The following ZNF516 variants were observed in gnomAD, a reference collection of about 807,000 sequenced individuals.
The protein encoded by ZNF516 is zinc finger protein 516.
ZNF516 carries 19 observed loss-of-function variants against 79.7 expected under a neutral mutation model. The observed-to-expected ratio is 0.24, with a 90% CI of 0.17 to 0.35. The LOEUF is 0.35. Ranked by LOEUF, ZNF516 falls within the 10% of genes least tolerant of loss-of-function variation. The pLI, the probability that ZNF516 is intolerant of heterozygous loss-of-function variation, is 1.00. For missense variants in ZNF516, 1,678 were observed against 1,679.5 expected (o/e 1.00, Z 0.02); for synonymous variants, 877 against 739.5 (o/e 1.19, Z -3.02).
chr18:76,482,178 G>A (rs1914561999), intron 1 of ZNF516, among the ~76,000 whole-genome samples: 1 of 152,134 alleles, frequency 6.6e-6, no homozygotes, highest in Admixed American at 6.5e-5. Context: ...CAACGGCCAT[G>A]TTTTGCTTTT....
At chr18:76,418,872 A>G (rs1297449264) in intron 3 of ZNF516, among the ~76,000 whole-genome samples, 1 of 152,274 alleles carries the variant, frequency 6.6e-6, no homozygotes, top group Non-Finnish European at 1.5e-5. Flanking sequence ...GACCTAGGAT[A>G]AGCAAAGGAA....
intron 3 of ZNF516, among the ~76,000 whole-genome samples, chr18:76,434,024 A>G (rs1015527943): frequency 1.3e-5 from 2 of 151,274 alleles, no homozygotes; most frequent in Admixed American, 1.3e-4. Flanking sequence ...TACCCAACCC[A>G]GCACCTGCTG....
chr18:76,406,842 A>G (rs2075310521), intron 3 of ZNF516, among the ~76,000 whole-genome samples: 1 of 152,172 alleles, frequency 6.6e-6, no homozygotes, highest in Admixed American at 6.5e-5. Context: ...TCCTTCTCAG[A>G]GACAGACCCA....
At chr18:76,423,838 T>TGAAAAGGTTACCCCATGAAACACAC (rs1568279145) in intron 3 of ZNF516, among the ~76,000 whole-genome samples, 2 of 89,972 alleles carry the variant, frequency 2.2e-5, no homozygotes, top group East Asian at 7.1e-4. Flanking sequence ...ATGAAACACA[T>TGAAAAGGTTACCCCATGAAACACAC]GCAGGTGAAA....
Position 76,379,578 on chromosome 18 carries a change from C to T in ZNF516, c.2536G>A (p.Gly846Arg), listed in dbSNP as rs61733594. Reference protein sequence around the residue: ...TRTQVPGGMPGSKSGSSPLGV... With the variant: ...TRTQVPGGMPRSKSGSSPLGV... Reference sequence around the variant, plus strand: ...AGGGGAGAAGAGCCACTTTTGGACCCCGGCATCCCCCCTGGCACCTGAGTG... The same window carrying T: ...AGGGGAGAAGAGCCACTTTTGGACCTCGGCATCCCCCCTGGCACCTGAGTG... Residue 846 changes from glycine (G) to arginine (R), a missense_variant, in exon 4 of 7, where the codon GGG becomes AGG. Around this residue, in one of 5 missense-constraint regions of ZNF516, gnomAD observed 1,294 missense variants for 1,248.3 expected, o/e 1.04. Transcript: ENST00000443185. 1,871 of 1,613,662 alleles carry T rather than the reference C, an allele frequency of 1.2e-3. 4 individuals carry two copies. The highest frequency in any genetic ancestry group is 4.8e-3 in the Middle Eastern group (29 of 6,060).
At chr18:76,461,142 A>G (rs773438072) in intron 2 of ZNF516, among the ~76,000 whole-genome samples, 2 of 152,232 alleles carry the variant, frequency 1.3e-5, no homozygotes, top group Non-Finnish European at 2.9e-5. Context: ...AGATCATGCC[A>G]CTGCACTCCA....
intron 1 of ZNF516, among the ~76,000 whole-genome samples, chr18:76,464,250 T>A (rs1267516299): frequency 6.6e-6 from 1 of 152,166 alleles, no homozygotes; most frequent in Non-Finnish European, 1.5e-5. Flanking sequence ...CGTGTGCCTG[T>A]AGTCCCAGTC....
At chr18:76,455,376 C>A (rs1404938983) in intron 2 of ZNF516, among the ~76,000 whole-genome samples, 1 of 152,240 alleles carries the variant, frequency 6.6e-6, no homozygotes, top group Non-Finnish European at 1.5e-5. Flanking sequence ...GCAACACACA[C>A]AACCCTAGAC....
Position 76,379,797 on chromosome 18 carries a change from C to T in ZNF516, c.2317G>A (p.Glu773Lys). The change falls in exon 4 of 7, where the codon GAG becomes AAG. Residue 773 changes from glutamate to lysine, a missense_variant. Physicochemically the swap from Glu to Lys is moderately conservative, Grantham distance 56. Transcript: ENST00000443185. ...PYCSHKTYYP[E>K]VLWMHKRIWH... ...ATGCGTTTGTGCATCCACAGGACCTCGGGGTAGTAGGTCTTGTGGCTGCAG... is the reference window on the plus strand; with the variant it reads ...ATGCGTTTGTGCATCCACAGGACCTTGGGGTAGTAGGTCTTGTGGCTGCAG... 1 of 1,613,768 alleles carries T rather than the reference C, an allele frequency of 6.2e-7. No individual in the cohort carries two copies. Among genetic ancestry groups the T allele is most frequent in the Non-Finnish European group, 8.5e-7 (1 of 1,179,800 alleles).
At position 76,493,260 on chromosome 18, in the gene ZNF516, G is replaced by C; in HGVS notation, c.-272+1884C>G. The C allele has an allele frequency of 1.1e-6, 1 of 902,422 alleles. No homozygotes were observed. The highest frequency in any genetic ancestry group is 1.8e-5 in the African/African-American group (1 of 54,354). The allele number at this position is 902,422 out of a possible 1,614,324, so 55.9% of individuals were successfully genotyped here. On this transcript the variant is annotated intron_variant, in intron 1 of 6. Coordinates refer to ENST00000443185, the MANE Select transcript of ZNF516 (RefSeq NM_014643.4). The surrounding 1 kb of genome is among the most constrained non-coding windows in gnomAD (Gnocchi z 5.2). ...TTGTACTTCCACAAAGGATGGAAAG[G>C]GAAATTCACGAAGGGAGTGGAGGCG... is the stretch of plus-strand genomic sequence containing the variant.
rs2075784568 is a variant in ZNF516 at position 76,439,346 on chromosome 18, T to TA, written c.1810+1898dup. Among the ~76,000 whole-genome samples the TA allele has an allele frequency of 3.3e-5, 5 of 152,234 alleles. 1 individual carries two copies. Among genetic ancestry groups the TA allele is most frequent in the South Asian group, 4.1e-4 (2 of 4,834 alleles). On this transcript the variant is annotated intron_variant, in intron 3 of 6. Coordinates refer to ENST00000443185, the MANE Select transcript of ZNF516 (RefSeq NM_014643.4). Reference sequence around the variant, plus strand: ...TTACGGAAAGTGACCCACATACACCTACAGGGCTCTTCCATGTTTCATGCC... The same window carrying TA: ...TTACGGAAAGTGACCCACATACACCTAACAGGGCTCTTCCATGTTTCATGCC...
intron 3 of ZNF516, among the ~76,000 whole-genome samples, chr18:76,399,616 T>C (rs1182536641): frequency 6.6e-6 from 1 of 152,252 alleles, no homozygotes. Context: ...AGCGAAAGCC[T>C]GGGTGCGTTC....
At chr18:76,422,208 T>C (rs2075517634) in intron 3 of ZNF516, among the ~76,000 whole-genome samples, 1 of 152,096 alleles carries the variant, frequency 6.6e-6, no homozygotes, top group Admixed American at 6.5e-5. Flanking sequence ...CACAGTAAAC[T>C]GTTCCTGGAA....
At chr18:76,487,908 A>G in intron 1 of ZNF516, 3 of 982,072 alleles carry the variant, frequency 3.1e-6, no homozygotes, top group Non-Finnish European at 2.4e-6. Context: ...ACTGAGGATG[A>G]GAGCCCCCAG....
At chr18:76,483,464 T>C (rs1288744151) in intron 1 of ZNF516, among the ~76,000 whole-genome samples, 1 of 151,878 alleles carries the variant, frequency 6.6e-6, no homozygotes, top group African/African-American at 2.4e-5. Context: ...CCTCTCGGCA[T>C]CTGTCCGTCA....
chr18:76,470,583 C>T (rs1041699534), intron 1 of ZNF516, among the ~76,000 whole-genome samples: 1 of 152,196 alleles, frequency 6.6e-6, no homozygotes, highest in African/African-American at 2.4e-5. Context: ...AATTTTACTC[C>T]ATTTGATTTT....
intron 3 of ZNF516, among the ~76,000 whole-genome samples, chr18:76,435,205 C>A (rs548966905): frequency 6.6e-6 from 1 of 152,140 alleles, no homozygotes; most frequent in African/African-American, 2.4e-5. Flanking sequence ...GTTTGTTTCA[C>A]GGTACCAAGT....
chr18:76,406,508 G>A (rs998374672), intron 3 of ZNF516, among the ~76,000 whole-genome samples: 3 of 152,198 alleles, frequency 2.0e-5, no homozygotes, highest in African/African-American at 4.8e-5. Context: ...AGGTTGCAGT[G>A]AGCCAGGATG....
intron 3 of ZNF516, among the ~76,000 whole-genome samples, chr18:76,383,437 C>T (rs534908216): frequency 6.9e-6 from 1 of 144,790 alleles, no homozygotes; most frequent in South Asian, 2.3e-4. Context: ...ACCTTCTCAG[C>T]CAGGGACCCA....
Sources: allele counts gnomAD v4.1 joint callset (sites outside exome capture counted in the v4.1 genomes callset), GRCh38; gene constraint gnomAD v4.1.1; regional missense constraint gnomAD v4.1.1; non-coding constraint Gnocchi (gnomAD v3.1); transcripts MANE v1.5; gene names NCBI Gene and HGNC (gene_info 2026-07-23, HGNC 2026-07-21).